The following SCHIP1 variants were observed in gnomAD, a reference collection of about 807,000 sequenced individuals.
SCHIP1 encodes schwannomin-interacting protein 1.
SCHIP1 carries 8 observed loss-of-function variants against 29.7 expected under a neutral mutation model. That is an observed-to-expected ratio of 0.27 (90% CI 0.16 to 0.49). The LOEUF (loss-of-function observed/expected upper bound fraction) is 0.49, where lower values mean the gene tolerates loss of function less well. SCHIP1 is among the 20% of genes least tolerant of loss of function. SCHIP1 has a pLI of 0.99. For missense variants in SCHIP1, 193 were observed against 294.6 expected (o/e 0.66, Z 2.52); for synonymous variants, 76 against 94.9 (o/e 0.80, Z 1.16).
chr3:159,284,063 A>C, the SCHIP1 span, among the ~76,000 whole-genome samples: 14 of 152,230 alleles, frequency 9.2e-5, no homozygotes, highest in African/African-American at 3.4e-4. Flanking sequence ...CAAGCTTCGT[A>C]AAATGAAAAG....
At chr3:159,481,381 T>C in the SCHIP1 span, among the ~76,000 whole-genome samples, 1 of 152,128 alleles carries the variant, frequency 6.6e-6, no homozygotes, top group African/African-American at 2.4e-5. Context: ...TAAGATAGAG[T>C]GAATTAAGTG....
At chr3:159,523,430 A>G in the SCHIP1 span, among the ~76,000 whole-genome samples, 1 of 152,206 alleles carries the variant, frequency 6.6e-6, no homozygotes, top group Non-Finnish European at 1.5e-5. Context: ...CTTAAAGAAT[A>G]TTGGGTTTTA....
the SCHIP1 span, among the ~76,000 whole-genome samples, chr3:159,716,826 T>C: frequency 6.6e-6 from 1 of 152,122 alleles, no homozygotes; most frequent in African/African-American, 2.4e-5. Flanking sequence ...ATTAGACAGA[T>C]CAACGAGACA....
the SCHIP1 span, among the ~76,000 whole-genome samples, chr3:159,460,643 A>T: frequency 6.6e-6 from 1 of 152,158 alleles, no homozygotes; most frequent in African/African-American, 2.4e-5. Context: ...CTACATCCTG[A>T]GAACAACTCT....
chr3:159,426,801 C>A, the SCHIP1 span, among the ~76,000 whole-genome samples: 1 of 152,272 alleles, frequency 6.6e-6, no homozygotes, highest in South Asian at 2.1e-4. Context: ...TACTGGCAAA[C>A]TGAATCCAGC....
the SCHIP1 span, among the ~76,000 whole-genome samples, chr3:159,610,877 C>T: frequency 6.6e-6 from 1 of 151,970 alleles, no homozygotes; most frequent in African/African-American, 2.4e-5. Context: ...TCAAATTAAC[C>T]TTCCATGACA....
chr3:159,764,828 G>T, the SCHIP1 span: 3 of 1,588,654 alleles, frequency 1.9e-6, no homozygotes, highest in Non-Finnish European at 2.6e-6. This position sits in a 1 kb window ranked among gnomAD's most constrained non-coding sequence, Gnocchi z 6.1. Context: ...GTGCCCAACG[G>T]CAACCTCCAC....
the SCHIP1 span, among the ~76,000 whole-genome samples, chr3:159,701,260 C>T: frequency 2.6e-5 from 4 of 152,094 alleles, no homozygotes; most frequent in African/African-American, 7.2e-5. Flanking sequence ...AGTGTATGTG[C>T]ATCCTTTTTT....
the SCHIP1 span, among the ~76,000 whole-genome samples, chr3:159,743,435 G>C: frequency 6.6e-6 from 1 of 152,176 alleles, no homozygotes; most frequent in Non-Finnish European, 1.5e-5. Flanking sequence ...CAACCTGGAT[G>C]AATCTCCAGA....
chr3:159,562,467 T>C, the SCHIP1 span, among the ~76,000 whole-genome samples: 1 of 152,334 alleles, frequency 6.6e-6, no homozygotes, highest in African/African-American at 2.4e-5. Flanking sequence ...TGGCTACCTA[T>C]CAGCTGAGTG....
chr3:159,472,210 C>T, the SCHIP1 span, among the ~76,000 whole-genome samples: 1 of 152,050 alleles, frequency 6.6e-6, no homozygotes. Flanking sequence ...AAATTGTATG[C>T]ATATTATCTA....
At chr3:159,594,349 G>T in the SCHIP1 span, among the ~76,000 whole-genome samples, 5 of 152,136 alleles carry the variant, frequency 3.3e-5, no homozygotes, top group African/African-American at 9.7e-5. Flanking sequence ...TATGTTAGTT[G>T]GTTAATTGCC....
At chr3:159,814,428 A>G in the SCHIP1 span, among the ~76,000 whole-genome samples, 2 of 152,222 alleles carry the variant, frequency 1.3e-5, no homozygotes, top group Non-Finnish European at 2.9e-5. Context: ...CCAGTGCTCT[A>G]TAAGGTTTCT....
chr3:159,522,745 T>C, the SCHIP1 span, among the ~76,000 whole-genome samples: 1 of 152,214 alleles, frequency 6.6e-6, no homozygotes, highest in African/African-American at 2.4e-5. Flanking sequence ...GGCGCAAGCC[T>C]GTAGTCCCAG....
the SCHIP1 span, among the ~76,000 whole-genome samples, chr3:159,471,927 TA>T: frequency 7.2e-5 from 11 of 152,278 alleles, no homozygotes; most frequent in Middle Eastern, 3.4e-3. Flanking sequence ...TTGCTGATAG[TA>T]AAAAATTGAA....
At chr3:159,357,172 C>G in the SCHIP1 span, among the ~76,000 whole-genome samples, 8 of 152,132 alleles carry the variant, frequency 5.3e-5, 1 homozygote. Context: ...TTGAATATCA[C>G]TTGTATTCAT....
chr3:159,799,752 G>A, the SCHIP1 span, among the ~76,000 whole-genome samples: 2 of 152,220 alleles, frequency 1.3e-5, no homozygotes, highest in African/African-American at 4.8e-5. Context: ...AGGCTGCCTA[G>A]GACAGGAGGG....
chr3:159,503,673 T>G, the SCHIP1 span, among the ~76,000 whole-genome samples: 2 of 152,108 alleles, frequency 1.3e-5, no homozygotes, highest in Non-Finnish European at 2.9e-5. Context: ...AAAGGATAAC[T>G]GAGAATTCTA....
chr3:159,588,768 T>C, the SCHIP1 span, among the ~76,000 whole-genome samples: 1 of 152,194 alleles, frequency 6.6e-6, no homozygotes, highest in African/African-American at 2.4e-5. Context: ...AAAGATCATA[T>C]AGTTGTAGAT....
Sources: gnomAD v4.1 joint callset for allele counts (sites outside exome capture counted in the v4.1 genomes callset) on GRCh38, gnomAD v4.1.1 for gene constraint, Gnocchi (gnomAD v3.1) non-coding constraint, MANE v1.5 for transcripts, NCBI Gene and HGNC (gene_info 2026-07-23, HGNC 2026-07-21) for gene names.